The following CCDC150 variants were observed in gnomAD, a reference collection of about 807,000 sequenced individuals.
The protein encoded by CCDC150 is coiled-coil domain-containing protein 150.
Under a neutral mutation model 156.5 loss-of-function variants are expected in CCDC150, and 151 were observed. That is an observed-to-expected ratio of 0.97 (90% CI 0.85 to 1.10). The LOEUF (loss-of-function observed/expected upper bound fraction) is 1.10. Ranked by LOEUF, CCDC150 falls within the 50% of genes least tolerant of loss-of-function variation. The pLI, the probability that CCDC150 is intolerant of heterozygous loss-of-function variation, is 0.00. For missense variants in CCDC150, 1,312 were observed against 1,268.1 expected, an observed-to-expected ratio of 1.03 and a Z score of -0.53; for synonymous variants, 452 against 429.4, an observed-to-expected ratio of 1.05 and a Z score of -0.65.
At chr2:196,712,378 T>C in intron 16 of CCDC150, 126 bp downstream of exon 16, 1 of 607,744 alleles carries the variant, frequency 1.6e-6, no homozygotes, top group Non-Finnish European at 2.8e-6. Flanking sequence ...TGACTCAGTT[T>C]AACAAACTTT....
At chr2:196,696,567 C>T (rs1196827382) in intron 14 of CCDC150, among the ~76,000 whole-genome samples, 6 of 152,072 alleles carry the variant, frequency 3.9e-5, no homozygotes, top group African/African-American at 4.8e-5. Context: ...TTGATTTTTG[C>T]CTGCCTACCA....
intron 15 of CCDC150, among the ~76,000 whole-genome samples, chr2:196,710,210 T>C (rs534637789): frequency 6.6e-6 from 1 of 152,346 alleles, no homozygotes; most frequent in South Asian, 2.1e-4. Context: ...TACTCAAGCC[T>C]CAGCAATGGC....
Position 196,712,668 on chromosome 2 carries a change from G to A in CCDC150, c.1804-9G>A. 6.2e-7 allele frequency: 1 copy of A among 1,602,876 alleles called. No homozygotes were observed. The highest frequency in any genetic ancestry group is 2.2e-5 in the East Asian group (1 of 44,648). On this transcript the variant is annotated splice_polypyrimidine_tract_variant and intron_variant, in intron 16 of 27. Coordinates refer to ENST00000389175, the MANE Select transcript of CCDC150 (RefSeq NM_001080539.2). ...TGAGGAACAAGTATCTTTGTTTTTT[G>A]AATTAAAGGCAAACTCAGAACTCAG...
chr2:196,689,150 T>A (rs1695288191), intron 13 of CCDC150, among the ~76,000 whole-genome samples: 1 of 152,198 alleles, frequency 6.6e-6, no homozygotes, highest in Admixed American at 6.5e-5. Context: ...TACTGTAGCC[T>A]TGTAGTATAA....
At chr2:196,716,916 C>T (rs1022265466) in intron 17 of CCDC150, among the ~76,000 whole-genome samples, 7 of 130,724 alleles carry the variant, frequency 5.4e-5, no homozygotes, top group African/African-American at 1.8e-4. Context: ...AGTACAGTGG[C>T]GCCATCTTGG....
At chr2:196,677,078 CAG>C (rs969457700) in intron 12 of CCDC150, 2 of 691,360 alleles carry the variant, frequency 2.9e-6, no homozygotes, top group Non-Finnish European at 5.3e-6. Flanking sequence ...AAGGAACCAG[CAG>C]AGTCTGACAT....
chr2:196,669,672 G>T lies in CCDC150; in HGVS notation c.893-161G>T, dbSNP rs140589435. Among the ~76,000 whole-genome samples the T allele has an allele frequency of 2.0e-3, 300 of 152,102 alleles. 3 individuals are homozygous for T. Among genetic ancestry groups the T allele is most frequent in the Admixed American group, 0.018 (270 of 15,266 alleles). On this transcript the variant is annotated intron_variant, in intron 7 of 27. Transcript: ENST00000389175. ...CAAATGACTGTGGACTAGTTTCTTG[G>T]TAATTCCATAACAGTTTCTAGTCTA...
intron 14 of CCDC150, among the ~76,000 whole-genome samples, chr2:196,698,425 G>T (rs1305363149): frequency 6.6e-6 from 1 of 152,164 alleles, no homozygotes; most frequent in African/African-American, 2.4e-5. Context: ...TTGCCTGAAA[G>T]AGGGAATTGT....
chr2:196,717,730 A>G (rs960365602), intron 17 of CCDC150, among the ~76,000 whole-genome samples: 12 of 152,080 alleles, frequency 7.9e-5, no homozygotes, highest in African/African-American at 2.7e-4. Context: ...CTTCTCTACT[A>G]ACTACAAAAT....
At chr2:196,696,904 T>A (rs972117599) in intron 14 of CCDC150, among the ~76,000 whole-genome samples, 16 of 152,236 alleles carry the variant, frequency 1.1e-4, no homozygotes, top group Admixed American at 6.5e-5. Flanking sequence ...ATCACAAACT[T>A]GAATTCAGAT....
At chr2:196,678,260 C>T (rs1233405931) in intron 13 of CCDC150, among the ~76,000 whole-genome samples, 3 of 152,146 alleles carry the variant, frequency 2.0e-5, no homozygotes, top group Non-Finnish European at 2.9e-5. Flanking sequence ...GACAAGAAAT[C>T]CAGCAATAGG....
intron 1 of CCDC150, 116 bp from the exon 2 acceptor site, chr2:196,646,225 A>T: frequency 1.1e-6 from 1 of 920,548 alleles, no homozygotes; most frequent in Non-Finnish European, 1.7e-6. Context: ...AGCAGAACAC[A>T]TCACCATTCC....
chr2:196,670,549 C>CTTT (rs563681921), intron 8 of CCDC150, among the ~76,000 whole-genome samples: 1 of 140,508 alleles, frequency 7.1e-6, no homozygotes. Context: ...AGAAAACTAG[C>CTTT]TTTTTTTTTT....
Position 196,656,446 on chromosome 2 carries a change from T to C in CCDC150, c.177-187T>C, listed in dbSNP as rs191354468. ...CAGAGGGAATTGATCTGTGTGTCAA[T>C]TAATCAATTCTCAGAGGGAATTGAT... is the stretch of plus-strand genomic sequence containing the variant. On this transcript the variant is annotated intron_variant, in intron 2 of 27. Transcript: ENST00000389175. Among the ~76,000 whole-genome samples the C allele has an allele frequency of 7.2e-5, 11 of 152,274 alleles. No individual in the cohort carries two copies. The East Asian group carries it at 1.9e-3, about 27-fold the overall frequency.
intron 13 of CCDC150, among the ~76,000 whole-genome samples, chr2:196,693,109 T>G (rs1695595184): frequency 6.6e-6 from 1 of 152,234 alleles, no homozygotes; most frequent in Non-Finnish European, 1.5e-5. Flanking sequence ...AAAGTCTGGT[T>G]TTTCAGAAAC....
At chr2:196,686,849 GA>G (rs1695157253) in intron 13 of CCDC150, among the ~76,000 whole-genome samples, 1 of 152,062 alleles carries the variant, frequency 6.6e-6, no homozygotes, top group Non-Finnish European at 1.5e-5. Context: ...CCACTTATAA[GA>G]GAACATGCAA....
chr2:196,662,150 G>GA (rs1559222588), intron 5 of CCDC150, among the ~76,000 whole-genome samples: 2 of 152,014 alleles, frequency 1.3e-5, no homozygotes, highest in Admixed American at 1.3e-4. Flanking sequence ...ACTAAAATCT[G>GA]AAAAAATATA....
chr2:196,697,121 C>A (rs1411534138), intron 14 of CCDC150, among the ~76,000 whole-genome samples: 2 of 152,214 alleles, frequency 1.3e-5, no homozygotes, highest in Non-Finnish European at 2.9e-5. Flanking sequence ...AGTAGTTACT[C>A]ATCTTTATAT....
chr2:196,654,283 C>T (rs964454040), intron 2 of CCDC150, among the ~76,000 whole-genome samples: 1 of 152,074 alleles, frequency 6.6e-6, no homozygotes, highest in Non-Finnish European at 1.5e-5. Context: ...TTTCTATGTC[C>T]TTCCCCAGGC....
Sources: gnomAD v4.1 joint callset for allele counts (sites outside exome capture counted in the v4.1 genomes callset) on GRCh38, gnomAD v4.1.1 for gene constraint, MANE v1.5 for transcripts, NCBI Gene and HGNC (gene_info 2026-07-23, HGNC 2026-07-21) for gene names.